Variants in MAGI3 observed in about 807,000 individuals in gnomAD.
MAGI3 encodes membrane associated guanylate kinase, WW and PDZ domain containing 3.
In MAGI3, 43 loss-of-function variants were observed where a neutral mutation model predicts 121.8. That is an observed-to-expected ratio of 0.35 (90% CI 0.28 to 0.46). MAGI3 has a LOEUF of 0.46. MAGI3 is among the 20% of genes least tolerant of loss of function. MAGI3 has a pLI of 1.00. For synonymous variants in MAGI3, 553 were observed against 639.3 expected (o/e 0.86, Z 2.04); for missense variants, 1,547 against 1,797.3 (o/e 0.86, Z 2.52).
In MAGI3 at chr1:113,390,854, G is replaced by C; in HGVS notation, c.-180G>C. Reference sequence around the variant, plus strand: ...CAGCCGGGAGGGGCGTCCAAGGGGCGTCTCGCGTCTGGGAACGGCCGGGCC... The same window carrying C: ...CAGCCGGGAGGGGCGTCCAAGGGGCCTCTCGCGTCTGGGAACGGCCGGGCC... On this transcript the variant is annotated 5_prime_UTR_variant, in exon 1 of 21. Coordinates refer to ENST00000307546, the MANE Select transcript of MAGI3 (RefSeq NM_001142782.2). The C allele has an allele frequency of 6.7e-6, 2 of 297,752 alleles. No homozygotes were observed. 18.4% of individuals were successfully genotyped at this position (297,752 alleles called of 1,614,324 possible). A position where few individuals can be genotyped will look rare whatever the true frequency, so the allele number is the denominator to read the frequency against.
chr1:113,394,252 C>T (rs1650976722), intron 1 of MAGI3, among the ~76,000 whole-genome samples: 1 of 152,074 alleles, frequency 6.6e-6, no homozygotes, highest in South Asian at 2.1e-4. Context: ...GGTTTCTAAT[C>T]TGAAGCTTTT....
intron 7 of MAGI3, chr1:113,618,440 A>G (rs1650619720): frequency 9.6e-6 from 4 of 414,720 alleles, no homozygotes; most frequent in South Asian, 5.4e-5. Context: ...AAAAACAATC[A>G]TGTTCTGAAA....
chr1:113,629,975 C>T (rs1222718651), intron 9 of MAGI3, among the ~76,000 whole-genome samples: 1 of 152,006 alleles, frequency 6.6e-6, no homozygotes, highest in Non-Finnish European at 1.5e-5. Flanking sequence ...TAACTCAAGG[C>T]CCTGGAGCCC....
At chr1:113,542,911 G>A (rs772622239) in intron 1 of MAGI3, among the ~76,000 whole-genome samples, 5 of 152,158 alleles carry the variant, frequency 3.3e-5, no homozygotes, top group Non-Finnish European at 7.4e-5. Flanking sequence ...TACTAGCAGT[G>A]TAACCTTGGC....
chr1:113,651,771 G>A (rs1039914611), intron 14 of MAGI3, among the ~76,000 whole-genome samples: 1 of 152,092 alleles, frequency 6.6e-6, no homozygotes, highest in African/African-American at 2.4e-5. Flanking sequence ...AATTACAGGC[G>A]TGAGCCACTG....
At chr1:113,601,377 A>C (rs920006140) in intron 6 of MAGI3, among the ~76,000 whole-genome samples, 19 of 140,156 alleles carry the variant, frequency 1.4e-4, no homozygotes, top group Non-Finnish European at 1.1e-4. Flanking sequence ...ATTTACAAGA[A>C]AAAAACAAAC....
chr1:113,392,318 T>G lies in MAGI3; in HGVS notation c.316+969T>G, dbSNP rs186895148. 2.1e-3 allele frequency among the ~76,000 whole-genome samples: 314 copies of G among 152,336 alleles called. 4 individuals carry two copies. The highest frequency in any genetic ancestry group is 7.3e-3 in the African/African-American group (305 of 41,570). ...ATTGTAACATTATTAGAAACCAAAC[T>G]GTTTTTCCTTAATGTGCTCTGCTGA... On this transcript the variant is annotated intron_variant, in intron 1 of 20. Transcript: ENST00000307546.
chr1:113,603,172 A>G (rs1649513114), intron 6 of MAGI3, among the ~76,000 whole-genome samples: 1 of 152,210 alleles, frequency 6.6e-6, no homozygotes, highest in African/African-American at 2.4e-5. Flanking sequence ...CCACGGAAAT[A>G]CAAAAGATAA....
intron 1 of MAGI3, among the ~76,000 whole-genome samples, chr1:113,505,512 T>TAATTAATAAATA (rs140237617): frequency 5.2e-5 from 7 of 135,598 alleles, no homozygotes; most frequent in South Asian, 5.0e-4. Context: ...GGTCCCTACA[T>TAATTAATAAATA]AATAAATAAA....
chr1:113,441,460 A>G (rs943985908), intron 1 of MAGI3, among the ~76,000 whole-genome samples: 2 of 152,212 alleles, frequency 1.3e-5, no homozygotes, highest in African/African-American at 4.8e-5. Flanking sequence ...AGAAACTGGT[A>G]TAATGGATGT....
chr1:113,527,160 G>T (rs1021256374), intron 1 of MAGI3, among the ~76,000 whole-genome samples: 1 of 152,108 alleles, frequency 6.6e-6, no homozygotes, highest in African/African-American at 2.4e-5. Context: ...ATGTCAGTGA[G>T]GGGGAGAAAA....
chr1:113,628,665 C>T (rs1651402063), intron 9 of MAGI3, among the ~76,000 whole-genome samples: 1 of 152,130 alleles, frequency 6.6e-6, no homozygotes, highest in Admixed American at 6.5e-5. Context: ...TTCATGCTTA[C>T]AGGATATTTT....
At chr1:113,631,780 G>A (rs1207375617) in intron 9 of MAGI3, among the ~76,000 whole-genome samples, 2 of 152,092 alleles carry the variant, frequency 1.3e-5, no homozygotes, top group Non-Finnish European at 2.9e-5. Context: ...GTTAAGAATT[G>A]TAGACATAAC....
chr1:113,650,520 C>T (rs781090250), intron 13 of MAGI3, among the ~76,000 whole-genome samples: 5 of 152,092 alleles, frequency 3.3e-5, no homozygotes, highest in African/African-American at 9.7e-5. Flanking sequence ...ACTCTGTTCC[C>T]GCTGAGATTT....
intron 1 of MAGI3, among the ~76,000 whole-genome samples, chr1:113,400,937 A>G (rs1183691127): frequency 6.6e-6 from 1 of 152,166 alleles, no homozygotes. Context: ...TCTAATAGGA[A>G]TATTGAGGAC....
chr1:113,519,090 C>A (rs1019663996), intron 1 of MAGI3, among the ~76,000 whole-genome samples: 1 of 151,930 alleles, frequency 6.6e-6, no homozygotes, highest in East Asian at 1.9e-4. Context: ...AAACAGAAAC[C>A]AAAGCCTCAA....
rs79394071 is a variant in MAGI3 at position 113,404,660 on chromosome 1, C to T, written c.316+13311C>T. On this transcript the variant is annotated intron_variant, in intron 1 of 20. Coordinates refer to ENST00000307546, the MANE Select transcript of MAGI3 (RefSeq NM_001142782.2). ...GAACATATCACACTGATTGTGGGGG[C>T]GGGGAGGGAGAATCAAAGTTGGAGA... 2.8e-3 allele frequency among the ~76,000 whole-genome samples: 426 copies of T among 151,930 alleles called. 2 individuals carry two copies. The highest frequency in any genetic ancestry group is 9.8e-3 in the African/African-American group (405 of 41,442).
intron 6 of MAGI3, among the ~76,000 whole-genome samples, chr1:113,598,471 TAA>T (rs1213778342): frequency 1.3e-5 from 2 of 151,840 alleles, no homozygotes; most frequent in East Asian, 3.9e-4. Flanking sequence ...AGACTCAACG[TAA>T]AAGAGTGGAA....
chr1:113,581,592 C>T (rs955763190), intron 3 of MAGI3, among the ~76,000 whole-genome samples: 28 of 152,100 alleles, frequency 1.8e-4, no homozygotes, highest in Admixed American at 1.6e-3. Context: ...TTCACCACCT[C>T]ATTGTAGGCC....
Sources: gnomAD v4.1 joint callset for allele counts (sites outside exome capture counted in the v4.1 genomes callset) on GRCh38, gnomAD v4.1.1 for gene constraint, MANE v1.5 for transcripts, NCBI Gene and HGNC (gene_info 2026-07-23, HGNC 2026-07-21) for gene names.